The following C8orf34 variants were observed in gnomAD, a reference collection of about 807,000 sequenced individuals.
The protein encoded by C8orf34 is uncharacterized protein C8orf34.
In C8orf34, 65 loss-of-function variants were observed where a neutral mutation model predicts 68.3. The observed-to-expected ratio is 0.95, with a 90% CI of 0.78 to 1.17. The LOEUF (loss-of-function observed/expected upper bound fraction) is 1.17. C8orf34 is among the 50% of genes most tolerant of loss of function. The pLI, the probability that C8orf34 is intolerant of heterozygous loss-of-function variation, is 0.00. For missense variants in C8orf34, 664 were observed against 655.4 expected (o/e 1.01, Z -0.14); for synonymous variants, 244 against 241.2 (o/e 1.01, Z -0.11).
chr8:68,733,178 C>G (rs117098217), intron 10 of C8orf34, among the ~76,000 whole-genome samples: 2,275 of 152,240 alleles, frequency 0.015, 25 homozygotes, highest in Non-Finnish European at 0.022. Flanking sequence ...ATTGTCACAG[C>G]TAATATTTAT....
chr8:68,550,614 C>G (rs767245752), intron 7 of C8orf34, among the ~76,000 whole-genome samples: 4 of 151,758 alleles, frequency 2.6e-5, no homozygotes, highest in Non-Finnish European at 4.4e-5. Context: ...CATTTTCTAT[C>G]TCTCTGAAGA....
chr8:68,527,316 G>A (rs1026023339), intron 6 of C8orf34, among the ~76,000 whole-genome samples: 4 of 152,124 alleles, frequency 2.6e-5, no homozygotes, highest in Admixed American at 6.5e-5. Context: ...AGTGGCTCAC[G>A]CCTGTAAGCG....
intron 8 of C8orf34, among the ~76,000 whole-genome samples, chr8:68,708,358 G>T (rs1363126767): frequency 6.6e-6 from 1 of 152,138 alleles, no homozygotes; most frequent in Non-Finnish European, 1.5e-5. Flanking sequence ...ACATAAAATG[G>T]CTGAGAATTA....
rs1360558603 is a variant in C8orf34 at position 68,487,339 on chromosome 8, A to G, written c.737-684A>G. ...GAGGACAGCATTTCAGTAAAGTGGA[A>G]TTGATAGTGTATCATCACAGAGAAA... On this transcript the variant is annotated intron_variant, in intron 4 of 13. Coordinates refer to ENST00000518698, the MANE Select transcript of C8orf34 (RefSeq NM_052958.4). Among the ~76,000 whole-genome samples the G allele has an allele frequency of 2.6e-5, 4 of 152,336 alleles. No homozygotes were observed. The South Asian group carries it at 8.3e-4, about 32-fold the overall frequency.
At chr8:68,581,371 G>A (rs1024945035) in intron 7 of C8orf34, among the ~76,000 whole-genome samples, 2 of 152,024 alleles carry the variant, frequency 1.3e-5, no homozygotes, top group African/African-American at 2.4e-5. Flanking sequence ...TCTTGAATGA[G>A]GGTCTTATGA....
At chr8:68,545,227 C>G (rs896226601) in intron 7 of C8orf34, among the ~76,000 whole-genome samples, 2 of 152,072 alleles carry the variant, frequency 1.3e-5, no homozygotes, top group Non-Finnish European at 2.9e-5. Flanking sequence ...CTCATGAGAG[C>G]TGATTATTTT....
intron 1 of C8orf34, among the ~76,000 whole-genome samples, chr8:68,362,660 C>G (rs1020168515): frequency 1.3e-5 from 2 of 152,128 alleles, no homozygotes; most frequent in African/African-American, 4.8e-5. Context: ...GCAGGATATT[C>G]CAACAGACCT....
intron 1 of C8orf34, among the ~76,000 whole-genome samples, chr8:68,343,025 AGG>A (rs1563633636): frequency 2.8e-4 from 42 of 152,308 alleles, no homozygotes; most frequent in Admixed American, 2.3e-3. Context: ...ATATAGTTTC[AGG>A]CATCCATTTG....
chr8:68,662,005 A>G (rs1284137557), intron 8 of C8orf34, among the ~76,000 whole-genome samples: 2 of 152,176 alleles, frequency 1.3e-5, no homozygotes, highest in Non-Finnish European at 2.9e-5. Flanking sequence ...GAGAAAAACC[A>G]TGTTAATTAT....
intron 1 of C8orf34, among the ~76,000 whole-genome samples, chr8:68,415,959 T>A (rs536384846): frequency 6.6e-6 from 1 of 152,286 alleles, no homozygotes; most frequent in African/African-American, 2.4e-5. Flanking sequence ...TACTTAAGAT[T>A]TATTTACCCC....
chr8:68,510,928 A>T (rs1224396134), intron 5 of C8orf34, among the ~76,000 whole-genome samples: 1 of 152,166 alleles, frequency 6.6e-6, no homozygotes, highest in African/African-American at 2.4e-5. Context: ...TTCTTCACTG[A>T]CCATATGTCA....
intron 1 of C8orf34, among the ~76,000 whole-genome samples, chr8:68,412,710 C>T (rs982897800): frequency 1.3e-5 from 2 of 152,178 alleles, no homozygotes; most frequent in African/African-American, 4.8e-5. Flanking sequence ...ACTCCTGTTA[C>T]TGTTACCAAT....
chr8:68,340,693 A>C (rs1806034318), intron 1 of C8orf34, among the ~76,000 whole-genome samples: 1 of 152,202 alleles, frequency 6.6e-6, no homozygotes. Context: ...CTTCCAGCCC[A>C]AACCAATTCA....
intron 1 of C8orf34, among the ~76,000 whole-genome samples, chr8:68,424,637 C>T (rs1810127747): frequency 6.6e-6 from 1 of 151,974 alleles, no homozygotes; most frequent in African/African-American, 2.4e-5. Flanking sequence ...TAAAAAAGAG[C>T]CACCTGTAAT....
intron 7 of C8orf34, among the ~76,000 whole-genome samples, chr8:68,579,864 C>G (rs1363148796): frequency 6.6e-6 from 1 of 152,136 alleles, no homozygotes; most frequent in Non-Finnish European, 1.5e-5. Flanking sequence ...ACTTTTCTTT[C>G]TTGATCTCAG....
intron 8 of C8orf34, among the ~76,000 whole-genome samples, chr8:68,696,003 TTTAAGACAC>T (rs1239960219): frequency 6.6e-6 from 1 of 151,956 alleles, no homozygotes; most frequent in Non-Finnish European, 1.5e-5. Flanking sequence ...TTTCTCATTG[TTTAAGACAC>T]TATTATAGGC....
rs1821509107 is a variant in C8orf34 at position 68,717,487 on chromosome 8, T to A, written c.1328-3874T>A. On this transcript the variant is annotated intron_variant, in intron 9 of 13. Transcript: ENST00000518698. ...CAGCCTGGGCGACAGAGCGAGACTC[T>A]GTCTCAAAAAAAAAAAAAAATGACA... Among the ~76,000 whole-genome samples, 7 of 132,756 alleles carry A rather than the reference T, an allele frequency of 5.3e-5. No homozygotes were observed. The South Asian group carries it at 1.9e-3, about 35-fold the overall frequency. The allele number at this position is 132,756 out of a possible 152,430, so 87.1% of individuals were successfully genotyped here. A position where few individuals can be genotyped will look rare whatever the true frequency, so the allele number is the denominator to read the frequency against.
chr8:68,692,105 G>A (rs1563612656), intron 8 of C8orf34, among the ~76,000 whole-genome samples: 1 of 152,002 alleles, frequency 6.6e-6, no homozygotes, highest in Non-Finnish European at 1.5e-5. Context: ...ATCCAGGTTT[G>A]TTGAAATTAG....
At chr8:68,791,077 G>C in intron 12 of C8orf34, 1 of 585,546 alleles carries the variant, frequency 1.7e-6, no homozygotes, top group Non-Finnish European at 3.0e-6. Context: ...AATATACATG[G>C]AGAAGACATG....
Sources: allele counts gnomAD v4.1 joint callset (sites outside exome capture counted in the v4.1 genomes callset), GRCh38; gene constraint gnomAD v4.1.1; transcripts MANE v1.5; gene names NCBI Gene and HGNC (gene_info 2026-07-23, HGNC 2026-07-21).